The following TENM3 variants were observed in gnomAD, a reference collection of about 807,000 sequenced individuals.
TENM3 encodes teneurin transmembrane protein 3.
Under a neutral mutation model 255.1 loss-of-function variants are expected in TENM3, and 63 were observed. The ratio of observed to expected loss-of-function variants is 0.25; its 90% CI spans 0.20 to 0.30. The LOEUF is 0.30. TENM3 is among the 10% of genes least tolerant of loss of function. The probability of loss-of-function intolerance (pLI) is 1.00; values close to 1 mark genes in which losing one functional copy is unlikely to be tolerated. For synonymous variants in TENM3, 1,306 were observed against 1,322.3 expected, an observed-to-expected ratio of 0.99 and a Z score of 0.27; for missense variants, 2,929 against 3,461.1, an observed-to-expected ratio of 0.85 and a Z score of 3.86.
At chr4:182,445,895 T>C (rs1252361846) in intron 3 of TENM3, among the ~76,000 whole-genome samples, 1 of 152,192 alleles carries the variant, frequency 6.6e-6, no homozygotes, top group Non-Finnish European at 1.5e-5. Flanking sequence ...ATATCCATAA[T>C]GCTAATTATC....
At chr4:181,994,934 G>A in the TENM3 span, among the ~76,000 whole-genome samples, 1 of 152,086 alleles carries the variant, frequency 6.6e-6, no homozygotes, top group Non-Finnish European at 1.5e-5. Context: ...ATAAAGCAGA[G>A]CGATTACGAT....
chr4:182,624,513 C>T (rs563742275), intron 4 of TENM3, among the ~76,000 whole-genome samples: 10 of 152,278 alleles, frequency 6.6e-5, no homozygotes, highest in African/African-American at 1.2e-4. Flanking sequence ...ATGCCACTCA[C>T]GAAGCAGAAG....
At chr4:181,898,554 A>T in the TENM3 span, among the ~76,000 whole-genome samples, 8 of 152,298 alleles carry the variant, frequency 5.3e-5, 1 homozygote, top group East Asian at 1.5e-3. Context: ...ACTGAAATGT[A>T]TACTGCTATA....
intron 26 of TENM3, among the ~76,000 whole-genome samples, chr4:182,794,583 A>C (rs1766354005): frequency 6.6e-6 from 1 of 152,188 alleles, no homozygotes; most frequent in African/African-American, 2.4e-5. Context: ...CACTGTCTTC[A>C]TTGCCAGTGC....
the TENM3 span, among the ~76,000 whole-genome samples, chr4:181,851,427 G>A: frequency 4.6e-5 from 7 of 152,210 alleles, no homozygotes; most frequent in African/African-American, 1.7e-4. Flanking sequence ...GTGAGTTTTA[G>A]CACTCCCAGA....
At chr4:182,498,494 GA>G (rs1439515820) in intron 3 of TENM3, among the ~76,000 whole-genome samples, 2 of 151,922 alleles carry the variant, frequency 1.3e-5, no homozygotes, top group African/African-American at 4.8e-5. Context: ...GCAGTTTTGT[GA>G]ACACTTTTCT....
At chr4:182,030,984 T>G in the TENM3 span, among the ~76,000 whole-genome samples, 1 of 152,152 alleles carries the variant, frequency 6.6e-6, no homozygotes, top group African/African-American at 2.4e-5. Context: ...TTGCAAAAAT[T>G]TTCTCCCACT....
chr4:182,346,053 C>CCA (rs1244169864), intron 2 of TENM3, among the ~76,000 whole-genome samples: 4 of 146,134 alleles, frequency 2.7e-5, no homozygotes, highest in Admixed American at 6.9e-5. Flanking sequence ...TACACCCACC[C>CCA]CACACACACA....
chr4:181,729,704 G>A, the TENM3 span, among the ~76,000 whole-genome samples: 50 of 152,268 alleles, frequency 3.3e-4, no homozygotes, highest in African/African-American at 1.2e-3. Context: ...GGTTATTCAG[G>A]GAACCAAGTG....
the TENM3 span, among the ~76,000 whole-genome samples, chr4:181,842,989 T>C: frequency 6.6e-6 from 1 of 152,230 alleles, no homozygotes; most frequent in African/African-American, 2.4e-5. Context: ...TTCCATCTTC[T>C]CTAAGTTCCT....
At chr4:181,778,310 T>C in the TENM3 span, among the ~76,000 whole-genome samples, 1 of 152,158 alleles carries the variant, frequency 6.6e-6, no homozygotes, top group Non-Finnish European at 1.5e-5. Context: ...TATATCAAGA[T>C]TCACTAATGC....
chr4:181,647,895 G>A, the TENM3 span, among the ~76,000 whole-genome samples: 1 of 152,138 alleles, frequency 6.6e-6, no homozygotes, highest in African/African-American at 2.4e-5. Context: ...CGAGGTGTTT[G>A]GTTTCAGCTT....
At chr4:182,035,347 C>T in the TENM3 span, among the ~76,000 whole-genome samples, 1 of 152,270 alleles carries the variant, frequency 6.6e-6, no homozygotes, top group Non-Finnish European at 1.5e-5. Flanking sequence ...CAAATTCGAT[C>T]AGTGAAGTTG....
intron 5 of TENM3, among the ~76,000 whole-genome samples, chr4:182,629,399 T>C (rs191749064): frequency 6.6e-6 from 1 of 152,330 alleles, no homozygotes; most frequent in African/African-American, 2.4e-5. Context: ...ATGGATTATA[T>C]ACTCATTCAT....
At chr4:182,607,607 G>A (rs67402191) in intron 4 of TENM3, among the ~76,000 whole-genome samples, 56,866 of 151,992 alleles carry the variant, frequency 0.37, 12,890 homozygotes, top group South Asian at 0.52. Flanking sequence ...GGTATTGAAC[G>A]CTTTAGAGTC....
intron 3 of TENM3, among the ~76,000 whole-genome samples, chr4:182,527,142 ACAAT>A (rs1330635295): frequency 6.6e-5 from 10 of 152,244 alleles, no homozygotes; most frequent in Non-Finnish European, 2.9e-5. Flanking sequence ...AAAGTAGTTA[ACAAT>A]CAAAGGAGGT....
Position 182,802,091 on chromosome 4 carries a change from A to ATAC in TENM3, c.*1742_*1744dup, listed in dbSNP as rs1767016121. 1.3e-5 allele frequency: 2 copies of ATAC among 152,668 alleles called. No individual in the cohort carries two copies. The highest frequency in any genetic ancestry group is 1.5e-5 in the Non-Finnish European group (1 of 68,046). 9.5% of individuals were successfully genotyped at this position (152,668 alleles called of 1,614,324 possible). A position where few individuals can be genotyped will look rare whatever the true frequency, so the allele number is the denominator to read the frequency against. On this transcript the variant is annotated 3_prime_UTR_variant, in exon 28 of 28. Coordinates refer to ENST00000511685, the MANE Select transcript of TENM3 (RefSeq NM_001080477.4). ...TTTCTAACTGCTTTGTATGTATCACATACTCTAAATTGCACAGTAGGCGTG... is the reference window on the plus strand; with the variant it reads ...TTTCTAACTGCTTTGTATGTATCACATACTACTCTAAATTGCACAGTAGGCGTG...
chr4:181,700,866 C>G, the TENM3 span, among the ~76,000 whole-genome samples: 1 of 152,106 alleles, frequency 6.6e-6, no homozygotes, highest in South Asian at 2.1e-4. Context: ...AATATTGAAG[C>G]AAATCATCTG....
At chr4:181,652,605 C>T in the TENM3 span, among the ~76,000 whole-genome samples, 2 of 152,188 alleles carry the variant, frequency 1.3e-5, no homozygotes, top group African/African-American at 4.8e-5. Context: ...CAGGAATTTC[C>T]TCCTCTTTCT....
Sources: allele counts gnomAD v4.1 joint callset (sites outside exome capture counted in the v4.1 genomes callset), GRCh38; gene constraint gnomAD v4.1.1; transcripts MANE v1.5; gene names NCBI Gene and HGNC (gene_info 2026-07-23, HGNC 2026-07-21).